The following C5 variants were observed in gnomAD, a reference collection of about 807,000 sequenced individuals.
C5 encodes the protein C3 and PZP-like alpha-2-macroglobulin domain-containing protein 4.
In C5, 140 loss-of-function variants were observed where a neutral mutation model predicts 218.8. That is an observed-to-expected ratio of 0.64 (90% CI 0.56 to 0.74). The LOEUF is 0.74. C5 is among the 30% of genes least tolerant of loss of function. C5 has a pLI of 0.00. For missense variants in C5, 1,700 were observed against 1,969.6 expected (o/e 0.86, Z 2.59); for synonymous variants, 614 against 682.3 (o/e 0.90, Z 1.56).
intron 20 of C5, chr9:121,000,030 G>C (rs1479942807): frequency 2.1e-5 from 7 of 327,786 alleles, no homozygotes; most frequent in South Asian, 1.6e-4. Flanking sequence ...TTGCACTCCA[G>C]CCTGGGCGAC....
In C5 at chr9:120,961,580, G is replaced by T. The variant is rs1255794149; in HGVS notation, c.4505-15C>A. The stretch of plus-strand genomic sequence containing the variant: ...ACACTGTTTATCTGTGGCAACAAAA[G>T]TGTGGTTAAGAGAAGTGGTTTGATT... On this transcript the variant is annotated splice_polypyrimidine_tract_variant and intron_variant, in intron 36 of 40. Coordinates refer to ENST00000223642, the MANE Select transcript of C5 (RefSeq NM_001735.3). The T allele has an allele frequency of 7.2e-6, 11 of 1,537,676 alleles. No homozygotes were observed. The highest frequency in any genetic ancestry group is 9.9e-6 in the Non-Finnish European group (11 of 1,110,530).
At chr9:120,969,249 G>A in intron 32 of C5, 131 bp from the exon 33 acceptor site, 2 of 779,952 alleles carry the variant, frequency 2.6e-6, no homozygotes, top group Non-Finnish European at 4.5e-6. Flanking sequence ...TTGTGATTTG[G>A]AAGTTTAGAT....
intron 38 of C5, among the ~76,000 whole-genome samples, chr9:120,959,963 C>G (rs924580810): frequency 4.6e-5 from 7 of 152,266 alleles, no homozygotes; most frequent in African/African-American, 1.7e-4. Context: ...CAAAAGTTCC[C>G]TTTGACTATG....
chr9:120,989,855 C>A, intron 23 of C5, 75 bp from the exon 24 acceptor site: 1 of 1,204,202 alleles, frequency 8.3e-7, no homozygotes, highest in South Asian at 1.3e-5. Context: ...GAGAGAAGAA[C>A]AACCATCTAG....
chr9:121,055,575 G>A, the C5 span, among the ~76,000 whole-genome samples: 135 of 152,228 alleles, frequency 8.9e-4, 1 homozygote, highest in East Asian at 0.019. Context: ...ACAGATTCCC[G>A]AAGCCCCCGA....
Position 121,046,358 on chromosome 9 carries a change from A to G in C5, c.91T>C (p.Phe31Leu). The stretch of plus-strand genomic sequence containing the variant: ...ATATTTTCAGATGCTCCAACACGGA[A>G]TATTTTTGGTGCTGAAATGACATAT... ...QTYVISAPKI[F>L]RVGASENIVI... Residue 31 changes from phenylalanine to leucine, a missense_variant, in exon 2 of 41, where the codon TTC (phenylalanine) becomes CTC (leucine). Coordinates refer to ENST00000223642, the MANE Select transcript of C5 (RefSeq NM_001735.3). 6.2e-7 allele frequency: 1 copy of G among 1,612,316 alleles called. No homozygotes were observed. The highest frequency in any genetic ancestry group is 2.2e-5 in the East Asian group (1 of 44,710).
chr9:120,987,602 C>T (rs1159106134), intron 25 of C5, among the ~76,000 whole-genome samples: 1 of 138,146 alleles, frequency 7.2e-6, no homozygotes, highest in Admixed American at 7.8e-5. Context: ...CGTGCCACTG[C>T]ACTCCAGCCT....
chr9:121,050,792 C>T (rs1368209582), upstream of C5, among the ~76,000 whole-genome samples: 1 of 152,118 alleles, frequency 6.6e-6, no homozygotes, highest in African/African-American at 2.4e-5. Flanking sequence ...CAAAGGAGGT[C>T]TAGGGAATTG....
At chr9:120,990,862 G>A (rs1303023098) in intron 23 of C5, among the ~76,000 whole-genome samples, 3 of 152,244 alleles carry the variant, frequency 2.0e-5, no homozygotes, top group African/African-American at 7.2e-5. Flanking sequence ...CTTCTCTGGA[G>A]CGGGACTGGC....
chr9:121,011,054 C>T (rs1480616932), intron 17 of C5, among the ~76,000 whole-genome samples: 1 of 152,186 alleles, frequency 6.6e-6, no homozygotes, highest in Non-Finnish European at 1.5e-5. Context: ...GGAAAACTCT[C>T]TAGGACATTG....
intron 17 of C5, among the ~76,000 whole-genome samples, chr9:121,011,448 T>C (rs1041205862): frequency 1.3e-5 from 2 of 152,140 alleles, no homozygotes; most frequent in Non-Finnish European, 2.9e-5. Flanking sequence ...TCAGTTAAAA[T>C]GGCTTTTATT....
chr9:120,984,413 ATT>A (rs2047017683), intron 25 of C5, among the ~76,000 whole-genome samples: 3 of 152,090 alleles, frequency 2.0e-5, no homozygotes, highest in African/African-American at 7.2e-5. Context: ...GGACACTCAC[ATT>A]TTCAAAGATT....
the C5 span, among the ~76,000 whole-genome samples, chr9:121,062,421 T>C: frequency 1.3e-5 from 2 of 152,182 alleles, no homozygotes; most frequent in Admixed American, 6.5e-5. Flanking sequence ...GTGGGGCCCT[T>C]CTGCGTGTGG....
At chr9:121,007,715 A>G (rs2047227201) in intron 18 of C5, among the ~76,000 whole-genome samples, 1 of 152,206 alleles carries the variant, frequency 6.6e-6, no homozygotes, top group South Asian at 2.1e-4. Context: ...GATACACACA[A>G]CAGGGTTAAT....
chr9:121,014,325 TG>T, intron 16 of C5, among the ~76,000 whole-genome samples: 1 of 152,290 alleles, frequency 6.6e-6, no homozygotes, highest in South Asian at 2.1e-4. Context: ...TACTAACTCT[TG>T]AAACTGGAAC....
the C5 span, among the ~76,000 whole-genome samples, chr9:121,065,633 A>G: frequency 9.9e-5 from 15 of 152,134 alleles, no homozygotes; most frequent in African/African-American, 3.6e-4. Context: ...CCACAGGCAC[A>G]TGCCACCACA....
intron 25 of C5, 110 bp from the exon 26 acceptor site, chr9:120,982,924 C>T: frequency 1.5e-6 from 1 of 674,374 alleles, no homozygotes; most frequent in East Asian, 2.8e-5. Flanking sequence ...TTAAAACATG[C>T]AATTCCAAAG....
rs1308380465 is a variant in C5 at position 120,974,725 on chromosome 9, T to C, written c.4017+54A>G. On this transcript the variant is annotated intron_variant, in intron 30 of 40. Coordinates refer to ENST00000223642, the MANE Select transcript of C5 (RefSeq NM_001735.3). ...TTTATAAAATAAAGAGTGGAACAGA[T>C]GATTTCAATGGTCTCAGCCAATTGT... 1.5e-5 allele frequency: 22 copies of C among 1,445,526 alleles called. No homozygotes were observed. The South Asian group carries it at 2.2e-4, about 14-fold the overall frequency. 89.5% of individuals were successfully genotyped at this position (1,445,526 alleles called of 1,614,324 possible). A position where few individuals can be genotyped will look rare whatever the true frequency, so the allele number is the denominator to read the frequency against.
the C5 span, among the ~76,000 whole-genome samples, chr9:121,066,448 A>G: frequency 4.6e-5 from 7 of 152,108 alleles, no homozygotes; most frequent in African/African-American, 1.7e-4. Context: ...ACTTTAGGTA[A>G]ACAGAACTCA....
Sources: gnomAD v4.1 joint callset for allele counts (sites outside exome capture counted in the v4.1 genomes callset) on GRCh38, gnomAD v4.1.1 for gene constraint, MANE v1.5 for transcripts, NCBI Gene and HGNC (gene_info 2026-07-23, HGNC 2026-07-21) for gene names.